CCSER1: variants seen among roughly 807,000 people sequenced by gnomAD.
The protein encoded by CCSER1 is coiled-coil serine rich protein 1, also known as serine-rich coiled-coil domain-containing protein 1.
Under a neutral mutation model 82.0 loss-of-function variants are expected in CCSER1, and 41 were observed. That is an observed-to-expected ratio of 0.50 (90% CI 0.39 to 0.65). CCSER1 has a LOEUF of 0.65. Among genes scored for constraint, CCSER1 ranks in the 30% least tolerant of loss-of-function variants. The probability of loss-of-function intolerance (pLI) is 0.00; values close to 1 mark genes in which losing one functional copy is unlikely to be tolerated. For synonymous variants in CCSER1, 414 were observed against 383.9 expected (o/e 1.08, Z -0.92); for missense variants, 1,119 against 1,064.2 (o/e 1.05, Z -0.72).
chr4:91,167,559 AACTT>A (rs530615085), intron 10 of CCSER1, among the ~76,000 whole-genome samples: 45 of 152,232 alleles, frequency 3.0e-4, no homozygotes, highest in African/African-American at 9.9e-4. Flanking sequence ...TGTAATATAC[AACTT>A]ACTTTATGTA....
At chr4:91,316,961 T>C (rs763983304) in intron 10 of CCSER1, among the ~76,000 whole-genome samples, 1 of 151,940 alleles carries the variant, frequency 6.6e-6, no homozygotes, top group Non-Finnish European at 1.5e-5. Flanking sequence ...GAGGCATAAA[T>C]TGTCATGCTA....
At chr4:91,570,569 G>A (rs1169694217) in intron 10 of CCSER1, among the ~76,000 whole-genome samples, 1 of 152,228 alleles carries the variant, frequency 6.6e-6, no homozygotes, top group African/African-American at 2.4e-5. Context: ...CTTGGGGCTT[G>A]CACCCTCTGA....
intron 7 of CCSER1, among the ~76,000 whole-genome samples, chr4:90,757,487 T>C (rs1207427716): frequency 6.6e-6 from 1 of 152,198 alleles, no homozygotes; most frequent in African/African-American, 2.4e-5. Context: ...ATGAGTGACT[T>C]CATTTTGGTT....
intron 4 of CCSER1, among the ~76,000 whole-genome samples, chr4:90,455,657 G>A (rs1195836195): frequency 6.6e-6 from 1 of 152,200 alleles, no homozygotes; most frequent in African/African-American, 2.4e-5. Flanking sequence ...TGCAGGTGTT[G>A]ACCATGTGTG....
Position 90,473,051 on chromosome 4 carries a change from A to G in CCSER1, c.1724+4697A>G, listed in dbSNP as rs191253749. On this transcript the variant is annotated intron_variant, in intron 5 of 10. Coordinates refer to ENST00000509176, the MANE Select transcript of CCSER1 (RefSeq NM_001145065.2). ...AATTTATAAAAATCCTACTGTTAAA[A>G]GTATAACCAAGTATCCAGCTACACT... Among the ~76,000 whole-genome samples the G allele has an allele frequency of 3.3e-5, 5 of 152,310 alleles. No individual in the cohort carries two copies. In the South Asian group the frequency reaches 6.2e-4, roughly 19 times the overall value.
At chr4:91,596,395 T>C (rs764790519) in intron 10 of CCSER1, among the ~76,000 whole-genome samples, 1 of 152,092 alleles carries the variant, frequency 6.6e-6, no homozygotes, top group African/African-American at 2.4e-5. Flanking sequence ...TATGGACTTA[T>C]TAATGTTGCA....
chr4:91,353,661 A>G (rs780695216), intron 10 of CCSER1, among the ~76,000 whole-genome samples: 1 of 152,020 alleles, frequency 6.6e-6, no homozygotes, highest in Non-Finnish European at 1.5e-5. Flanking sequence ...TTTGCTACTT[A>G]TGACTTCTTA....
In CCSER1 at chr4:90,545,765, G is replaced by T. The variant is rs149726298; in HGVS notation, c.1724+77411G>T. On this transcript the variant is annotated intron_variant, in intron 5 of 10. Coordinates refer to ENST00000509176, the MANE Select transcript of CCSER1 (RefSeq NM_001145065.2). The stretch of plus-strand genomic sequence containing the variant: ...TAGTAAACTTCGGAACATTTAAAAA[G>T]ATTTTTGTAAAAGCTAGGATAACTT... Among the ~76,000 whole-genome samples, 641 of 152,186 alleles carry T rather than the reference G, an allele frequency of 4.2e-3. 5 individuals are homozygous for T. The highest frequency in any genetic ancestry group is 0.01 in the East Asian group (53 of 5,184).
rs116509423 is a variant in CCSER1 at position 90,394,631 on chromosome 4, T to G, written c.1510-5405T>G. On this transcript the variant is annotated intron_variant, in intron 3 of 10. Coordinates refer to ENST00000509176, the MANE Select transcript of CCSER1 (RefSeq NM_001145065.2). ...TATTACATAACATTTTTGATGGCCT[T>G]TATATATTTGTTTAAATTTTATATA... Among the ~76,000 whole-genome samples the G allele has an allele frequency of 7.6e-3, 1,156 of 152,278 alleles. 16 individuals carry two copies. The highest frequency in any genetic ancestry group is 0.026 in the African/African-American group (1,101 of 41,566).
chr4:90,576,955 A>G (rs761797347), intron 5 of CCSER1, among the ~76,000 whole-genome samples: 54 of 152,256 alleles, frequency 3.5e-4, no homozygotes, highest in Admixed American at 2.1e-3. Context: ...CTGACAAACT[A>G]TCTTCCAAAA....
At chr4:91,317,156 A>C (rs965964640) in intron 10 of CCSER1, among the ~76,000 whole-genome samples, 1 of 152,008 alleles carries the variant, frequency 6.6e-6, no homozygotes, top group Admixed American at 6.6e-5. Flanking sequence ...CCATAAATAC[A>C]TATAATTATT....
intron 8 of CCSER1, among the ~76,000 whole-genome samples, chr4:90,886,316 G>C (rs146862530): frequency 6.6e-6 from 1 of 152,030 alleles, no homozygotes; most frequent in Admixed American, 6.6e-5. Context: ...CCATCTTTCA[G>C]GCATCAGGTT....
chr4:90,655,088 T>C (rs1729469673), intron 6 of CCSER1, among the ~76,000 whole-genome samples: 1 of 152,090 alleles, frequency 6.6e-6, no homozygotes, highest in Non-Finnish European at 1.5e-5. Context: ...TTAATATCAC[T>C]ATATTAAAAA....
intron 3 of CCSER1, among the ~76,000 whole-genome samples, chr4:90,368,220 T>C (rs754694923): frequency 2.6e-5 from 4 of 151,916 alleles, no homozygotes; most frequent in Admixed American, 2.0e-4. Flanking sequence ...GACAAGCTGT[T>C]AAACAGGCAG....
intron 9 of CCSER1, among the ~76,000 whole-genome samples, chr4:91,069,560 A>T (rs1486212811): frequency 6.6e-6 from 1 of 152,204 alleles, no homozygotes; most frequent in East Asian, 1.9e-4. Context: ...TACCAGATGG[A>T]CATACTGTCA....
At chr4:90,836,550 A>C (rs1240702125) in intron 8 of CCSER1, among the ~76,000 whole-genome samples, 2 of 152,164 alleles carry the variant, frequency 1.3e-5, no homozygotes, top group Non-Finnish European at 2.9e-5. Context: ...TTACTATGAA[A>C]ATAAATGAAG....
intron 10 of CCSER1, among the ~76,000 whole-genome samples, chr4:91,405,001 A>C (rs181417052): frequency 2.6e-5 from 4 of 152,280 alleles, no homozygotes; most frequent in Admixed American, 6.5e-5. Flanking sequence ...GGGGTGTTAA[A>C]GTCACTCATT....
At chr4:90,997,819 C>T (rs1223756938) in intron 9 of CCSER1, among the ~76,000 whole-genome samples, 1 of 152,120 alleles carries the variant, frequency 6.6e-6, no homozygotes, top group Non-Finnish European at 1.5e-5. Context: ...AAAGGCTACA[C>T]TGAGAGAAAA....
intron 7 of CCSER1, among the ~76,000 whole-genome samples, chr4:90,810,644 TCAA>T (rs34797230): frequency 0.1 from 13,170 of 128,346 alleles, 651 homozygotes; most frequent in Non-Finnish European, 0.12. Context: ...AGACTCCCTC[TCAA>T]CAACAACAAC....
Sources: gnomAD v4.1 joint callset for allele counts (sites outside exome capture counted in the v4.1 genomes callset) on GRCh38, gnomAD v4.1.1 for gene constraint, MANE v1.5 for transcripts, NCBI Gene and HGNC (gene_info 2026-07-23, HGNC 2026-07-21) for gene names.